GAP43: variants seen among roughly 807,000 people sequenced by gnomAD.
The protein encoded by GAP43 is neuromodulin.
Under a neutral mutation model 18.6 loss-of-function variants are expected in GAP43, and 6 were observed. The observed-to-expected ratio is 0.32, with a 90% CI of 0.18 to 0.64. GAP43 has a LOEUF of 0.64. GAP43 is among the 30% of genes least tolerant of loss of function. GAP43 has a pLI of 0.78. For missense variants in GAP43, 292 were observed against 295.5 expected, an observed-to-expected ratio of 0.99 and a Z score of 0.09; for synonymous variants, 115 against 111.4, an observed-to-expected ratio of 1.03 and a Z score of -0.20.
chr3:115,663,332 G>T (rs950018993), intron 1 of GAP43, among the ~76,000 whole-genome samples: 2 of 152,068 alleles, frequency 1.3e-5, no homozygotes, highest in East Asian at 1.9e-4. Flanking sequence ...GGAATAAATC[G>T]CAGAACCTTC....
chr3:115,683,134 T>TGCGCGC (rs1221666580), intron 2 of GAP43, among the ~76,000 whole-genome samples: 1 of 105,576 alleles, frequency 9.5e-6, no homozygotes, highest in African/African-American at 3.0e-5. Context: ...TGCGCGCGCG[T>TGCGCGC]GCGCGCGCGC....
chr3:115,721,477 T>A lies in GAP43; in HGVS notation c.*595T>A, dbSNP rs1360206433. The A allele has an allele frequency of 6.6e-6, 1 of 152,108 alleles. No individual in the cohort carries two copies. Among genetic ancestry groups the A allele is most frequent in the Non-Finnish European group, 1.5e-5 (1 of 68,030 alleles). 9.4% of individuals were successfully genotyped at this position (152,108 alleles called of 1,614,324 possible). ...CCCGAATATTAATAAATCATGAGAGTAATCAAGGTCCAATGGCTCTGTGTT... is the reference window on the plus strand; with the variant it reads ...CCCGAATATTAATAAATCATGAGAGAAATCAAGGTCCAATGGCTCTGTGTT... On this transcript the variant is annotated 3_prime_UTR_variant, in exon 3 of 3. Transcript: ENST00000305124.
intron 1 of GAP43, among the ~76,000 whole-genome samples, chr3:115,639,253 C>T (rs143793159): frequency 1.5e-4 from 23 of 152,228 alleles, no homozygotes; most frequent in Non-Finnish European, 3.2e-4. Flanking sequence ...CCAAGTGATA[C>T]CAGCTGGTTG....
intron 2 of GAP43, among the ~76,000 whole-genome samples, chr3:115,705,570 T>C (rs1428118701): frequency 6.6e-6 from 1 of 152,200 alleles, no homozygotes; most frequent in Non-Finnish European, 1.5e-5. Context: ...ATGATTGATC[T>C]CATTAGATGA....
intron 2 of GAP43, among the ~76,000 whole-genome samples, chr3:115,719,209 A>G (rs1169672414): frequency 6.6e-6 from 1 of 152,124 alleles, no homozygotes. Flanking sequence ...TAAGAGGAGG[A>G]CAAGCAATAA....
rs570619399 is a variant in GAP43 at position 115,695,828 on chromosome 3, C to G, written c.628+19218C>G. Among the ~76,000 whole-genome samples, 66 of 152,318 alleles carry G rather than the reference C, an allele frequency of 4.3e-4. 2 individuals carry two copies. In the South Asian group the frequency reaches 0.013, roughly 30 times the overall value. ...CCAATGGCCAATTCTAAGGCCTCATCTTCTTTTACCTATTAACAGCATCGC... is the reference window on the plus strand; with the variant it reads ...CCAATGGCCAATTCTAAGGCCTCATGTTCTTTTACCTATTAACAGCATCGC... On this transcript the variant is annotated intron_variant, in intron 2 of 2. Coordinates refer to ENST00000305124, the MANE Select transcript of GAP43 (RefSeq NM_002045.4).
intron 2 of GAP43, among the ~76,000 whole-genome samples, chr3:115,678,317 A>G (rs1559799139): frequency 6.6e-6 from 1 of 152,138 alleles, no homozygotes; most frequent in African/African-American, 2.4e-5. Context: ...CACAGACCAT[A>G]TTTTTTAACT....
intron 2 of GAP43, among the ~76,000 whole-genome samples, chr3:115,697,987 G>A (rs1332941322): frequency 6.3e-5 from 4 of 63,992 alleles, no homozygotes; most frequent in African/African-American, 2.1e-4. Context: ...ACATGTGCGT[G>A]TGTGTGTGTG....
intron 1 of GAP43, among the ~76,000 whole-genome samples, chr3:115,639,085 G>A (rs1046267874): frequency 1.3e-5 from 2 of 152,038 alleles, no homozygotes; most frequent in African/African-American, 4.8e-5. Flanking sequence ...AGTGTCCAGT[G>A]AGTAGTATGA....
At chr3:115,651,986 A>G (rs1708523833) in intron 1 of GAP43, among the ~76,000 whole-genome samples, 1 of 152,030 alleles carries the variant, frequency 6.6e-6, no homozygotes, top group Non-Finnish European at 1.5e-5. Context: ...CTGATCTTTT[A>G]TTTTTAATTC....
In GAP43 at chr3:115,661,517, C is replaced by T. The variant is rs562814841; in HGVS notation, c.31-14496C>T. On this transcript the variant is annotated intron_variant, in intron 1 of 2. Transcript: ENST00000305124. ...TTGTTTTTGTTTTTTTGAGAGGAAT[C>T]TCGCTCTGTCGCCCAGGCTGGAGTG... Among the ~76,000 whole-genome samples the T allele has an allele frequency of 7.2e-5, 11 of 152,224 alleles. 1 individual carries two copies. The South Asian group carries it at 2.3e-3, about 32-fold the overall frequency.
chr3:115,625,299 C>T (rs910792161), intron 1 of GAP43, among the ~76,000 whole-genome samples: 6 of 149,636 alleles, frequency 4.0e-5, no homozygotes, highest in African/African-American at 1.2e-4. Context: ...GAGTTGGGGG[C>T]GGTATTTGCA....
At chr3:115,672,840 T>C (rs1708831662) in intron 1 of GAP43, among the ~76,000 whole-genome samples, 1 of 151,462 alleles carries the variant, frequency 6.6e-6, no homozygotes, top group Non-Finnish European at 1.5e-5. Flanking sequence ...TAATTGTCTT[T>C]TTTTTCCCAA....
At chr3:115,653,333 T>C (rs1348393455) in intron 1 of GAP43, among the ~76,000 whole-genome samples, 1 of 152,040 alleles carries the variant, frequency 6.6e-6, no homozygotes, top group Non-Finnish European at 1.5e-5. Context: ...TCCCACCTAC[T>C]TGGGAGGCTG....
In GAP43 at chr3:115,676,137, A is replaced by G; in HGVS notation, c.155A>G (p.Lys52Arg). 6.2e-7 allele frequency: 1 copy of G among 1,614,188 alleles called. No homozygotes were observed. The highest frequency in any genetic ancestry group is 8.5e-7 in the Non-Finnish European group (1 of 1,180,024). The change falls in exon 2 of 3, where the codon AAA (lysine) becomes AGA (arginine). Residue 52 changes from lysine (K) to arginine (R), a missense_variant. By Grantham distance (26) the Lys-to-Arg change is conservative. Coordinates refer to ENST00000305124, the MANE Select transcript of GAP43 (RefSeq NM_002045.4). Reference sequence around the variant, plus strand: ...GGACACATAACAAGGAAAAAGCTCAAAGGAGAGAAGAAGGATGATGTCCAA... The same window carrying G: ...GGACACATAACAAGGAAAAAGCTCAGAGGAGAGAAGAAGGATGATGTCCAA... Reference protein sequence around the residue: ...FRGHITRKKLKGEKKDDVQAA... With the variant: ...FRGHITRKKLRGEKKDDVQAA...
intron 2 of GAP43, among the ~76,000 whole-genome samples, chr3:115,695,921 A>ATTAT (rs1407507389): frequency 6.6e-6 from 1 of 152,020 alleles, no homozygotes; most frequent in Non-Finnish European, 1.5e-5. Context: ...GCCTATTCTG[A>ATTAT]TTATTTTTGC....
chr3:115,673,036 C>T (rs556366544), intron 1 of GAP43, among the ~76,000 whole-genome samples: 292 of 152,136 alleles, frequency 1.9e-3, no homozygotes, highest in Non-Finnish European at 2.8e-3. Context: ...TGGTTCTCCC[C>T]GTTTCTGCTC....
rs1458170061 is a variant in GAP43, at chr3:115,676,499, G to C, written c.517G>C (p.Ala173Pro). Residue 173 changes from alanine (A) to proline (P), a missense_variant, in exon 2 of 3, where the codon GCT (alanine) becomes CCT (proline). Physicochemically the swap from Ala to Pro is conservative, Grantham distance 27 (BLOSUM62 -1). Transcript: ENST00000305124. ...EEPKQADVPA[A>P]VTAAAATTPA... The stretch of plus-strand genomic sequence containing the variant: ...GCCTAAACAAGCCGATGTGCCTGCT[G>C]CTGTCACTGCTGCTGCTGCCACCAC... 6.2e-7 allele frequency: 1 copy of C among 1,613,982 alleles called. No homozygotes were observed. The highest frequency in any genetic ancestry group is 2.2e-5 in the East Asian group (1 of 44,870).
At chr3:115,719,623 T>G (rs944198806) in intron 2 of GAP43, among the ~76,000 whole-genome samples, 11 of 152,236 alleles carry the variant, frequency 7.2e-5, no homozygotes, top group Admixed American at 6.5e-4. Flanking sequence ...GGTGACTCCA[T>G]GGGGAGAAGA....
Sources: gnomAD v4.1 joint callset for allele counts (sites outside exome capture counted in the v4.1 genomes callset) on GRCh38, gnomAD v4.1.1 for gene constraint, MANE v1.5 for transcripts, NCBI Gene and HGNC (gene_info 2026-07-23, HGNC 2026-07-21) for gene names.